CDH11: variants seen among roughly 807,000 people sequenced by gnomAD.
The protein encoded by CDH11 is cadherin 11.
A neutral mutation model predicts 67.8 loss-of-function variants in CDH11; 11 were observed. The ratio of observed to expected loss-of-function variants is 0.16; its 90% CI spans 0.10 to 0.27. CDH11 has a LOEUF of 0.27. Among genes scored for constraint, CDH11 ranks in the 10% least tolerant of loss-of-function variants. The pLI is 1.00. For synonymous variants in CDH11, 419 were observed against 400.0 expected, an observed-to-expected ratio of 1.05 and a Z score of -0.57; for missense variants, 847 against 1,031.2, an observed-to-expected ratio of 0.82 and a Z score of 2.45.
At chr16:65,041,646 T>C (rs1172016827) in intron 2 of CDH11, among the ~76,000 whole-genome samples, 1 of 152,228 alleles carries the variant, frequency 6.6e-6, no homozygotes, top group Admixed American at 6.5e-5. Flanking sequence ...TAAACATGGA[T>C]TATTGGAATG....
At chr16:65,003,185 AAAT>A (rs1460937901) in intron 3 of CDH11, among the ~76,000 whole-genome samples, 3 of 151,548 alleles carry the variant, frequency 2.0e-5, no homozygotes, top group Admixed American at 6.6e-5. Context: ...CATTAGTAAT[AAAT>A]AATACTATTA....
chr16:64,964,773 T>A (rs967524607), intron 11 of CDH11, among the ~76,000 whole-genome samples: 11 of 151,948 alleles, frequency 7.2e-5, no homozygotes, highest in Non-Finnish European at 1.5e-4. Context: ...TGGTCTCGAT[T>A]TCCTGACCTC....
chr16:64,948,165 G>A, intron 12 of CDH11, 66 bp from the exon 13 acceptor site: 2 of 1,548,880 alleles, frequency 1.3e-6, no homozygotes. Context: ...TTCTGCCAGA[G>A]GAACTCTGAT....
intron 2 of CDH11, among the ~76,000 whole-genome samples, chr16:65,023,203 G>A (rs1024035417): frequency 6.6e-6 from 1 of 152,188 alleles, no homozygotes; most frequent in African/African-American, 2.4e-5. Context: ...CAAGCCAAAG[G>A]CCTCAAAGCC....
rs3046001 is a variant in CDH11, at chr16:64,945,301, T to TAAAAAAAAAAAAAAAAAAAAAAGA, written c.*2301_*2302insTCTTTTTTTTTTTTTTTTTTTTTT. The TAAAAAAAAAAAAAAAAAAAAAAGA allele has an allele frequency of 2.7e-6, 1 of 371,902 alleles. No individual in the cohort carries two copies. Among genetic ancestry groups the TAAAAAAAAAAAAAAAAAAAAAAGA allele is most frequent in the Non-Finnish European group, 3.6e-6 (1 of 276,544 alleles). The allele number at this position is 371,902 out of a possible 1,614,324, so 23.0% of individuals were successfully genotyped here. ...AGAGGCTTAACGAAAAAATAAAAGG[T>TAAAAAAAAAAAAAAAAAAAAAAGA]AAAAAAAAAAAAAAAAAAGAAAAAG... On this transcript the variant is annotated 3_prime_UTR_variant, in exon 13 of 13. Coordinates refer to ENST00000268603, the MANE Select transcript of CDH11 (RefSeq NM_001797.4).
At chr16:64,948,579 G>A (rs2071258789) in intron 12 of CDH11, 2 of 1,544,780 alleles carry the variant, frequency 1.3e-6, no homozygotes, top group African/African-American at 1.4e-5. Flanking sequence ...AAGAGTATTG[G>A]TCCTATACTA....
In CDH11 at chr16:64,950,853, G is replaced by A; in HGVS notation, c.1808C>T (p.Ser603Phe). The stretch of plus-strand genomic sequence containing the variant: ...CAGAATGTAGGCCTCTGCGTTGCAG[G>A]AGAGCAGTGCCCCGTTCACGTCGCA... ...CGCDVNGALL[S>F]CNAEAYILNA... The change falls in exon 12 of 13, where the codon TCC becomes TTC. Residue 603 changes from serine to phenylalanine, a missense_variant. Coordinates refer to ENST00000268603, the MANE Select transcript of CDH11 (RefSeq NM_001797.4). The A allele has an allele frequency of 1.2e-6, 2 of 1,614,200 alleles. No individual in the cohort carries two copies. Among genetic ancestry groups the A allele is most frequent in the Non-Finnish European group, 1.7e-6 (2 of 1,180,036 alleles).
intron 1 of CDH11, among the ~76,000 whole-genome samples, chr16:65,106,812 T>C (rs773871621): frequency 2.0e-5 from 3 of 152,094 alleles, no homozygotes; most frequent in East Asian, 1.9e-4. Flanking sequence ...ACACAACTTC[T>C]TTCTGCCTAA....
intron 2 of CDH11, among the ~76,000 whole-genome samples, chr16:65,040,448 C>T (rs2073844998): frequency 1.3e-5 from 2 of 151,824 alleles, no homozygotes; most frequent in Admixed American, 6.6e-5. Flanking sequence ...AGCAAACTAT[C>T]GCAAGGACAA....
chr16:65,055,507 G>T (rs1310881866), intron 1 of CDH11, among the ~76,000 whole-genome samples: 1 of 152,052 alleles, frequency 6.6e-6, no homozygotes, highest in Non-Finnish European at 1.5e-5. Flanking sequence ...TCCTACACCT[G>T]TCCCACCACT....
chr16:64,948,537 G>A lies in CDH11; in HGVS notation c.1895-438C>T, dbSNP rs778855662. The A allele has an allele frequency of 3.2e-6, 4 of 1,241,370 alleles. No individual in the cohort carries two copies. The African/African-American group carries it at 4.4e-5, about 14-fold the overall frequency. The allele number at this position is 1,241,370 out of a possible 1,614,324, so 76.9% of individuals were successfully genotyped here. A position where few individuals can be genotyped will look rare whatever the true frequency, so the allele number is the denominator to read the frequency against. ...CCCTTAGGGCCTACCATCTTATAGG[G>A]GGTGATGGCTAGCTTCTGCCAATGT... is the stretch of plus-strand genomic sequence containing the variant. On this transcript the variant is annotated intron_variant, in intron 12 of 12. Transcript: ENST00000268603.
intron 4 of CDH11, among the ~76,000 whole-genome samples, chr16:64,996,553 A>G (rs2142505575): frequency 6.6e-6 from 1 of 152,212 alleles, no homozygotes; most frequent in African/African-American, 2.4e-5. Flanking sequence ...TATAGACCCA[A>G]AGGAAAATAA....
In CDH11 at chr16:65,121,173, G is replaced by C. The variant is rs1240658211; in HGVS notation, c.-298+707C>G. 6.6e-6 allele frequency among the ~76,000 whole-genome samples: 1 copy of C among 152,206 alleles called. No individual in the cohort carries two copies. The highest frequency in any genetic ancestry group is 1.9e-4 in the East Asian group (1 of 5,180). On this transcript the variant is annotated intron_variant, in intron 1 of 12. Coordinates refer to ENST00000268603, the MANE Select transcript of CDH11 (RefSeq NM_001797.4). The surrounding 1 kb of genome is among the most constrained non-coding windows in gnomAD (Gnocchi z 4.1). ...CTGGGCCGCTCATGGACCTACTCCT[G>C]CGCTGGTGGGAGCTTACAAACGGGC...
At chr16:64,986,393 A>G (rs2072488033) in intron 7 of CDH11, 1 of 152,042 alleles carries the variant, frequency 6.6e-6, no homozygotes, top group African/African-American at 2.4e-5. Context: ...GCGACGTGTG[A>G]GTTCCATGGG....
At chr16:65,103,388 T>A (rs1204213528) in intron 1 of CDH11, among the ~76,000 whole-genome samples, 1 of 152,210 alleles carries the variant, frequency 6.6e-6, no homozygotes, top group Non-Finnish European at 1.5e-5. Context: ...TATTTTTTCA[T>A]CATTGTTGTA....
At chr16:65,066,746 A>G (rs755488102) in intron 1 of CDH11, among the ~76,000 whole-genome samples, 23 of 152,204 alleles carry the variant, frequency 1.5e-4, no homozygotes, top group Non-Finnish European at 2.8e-4. Context: ...CATTTTCCCA[A>G]CTGTCTGCCT....
In CDH11 at chr16:64,946,175, T is replaced by C; in HGVS notation, c.*1428A>G. ...TTTTTAAATGAATCGCCCATTCTCA[T>C]TAAAACATAAAATGCCACATCATTT... On this transcript the variant is annotated 3_prime_UTR_variant, in exon 13 of 13. Coordinates refer to ENST00000268603, the MANE Select transcript of CDH11 (RefSeq NM_001797.4). 9.5e-7 allele frequency: 1 copy of C among 1,052,772 alleles called. No homozygotes were observed. Among genetic ancestry groups the C allele is most frequent in the Non-Finnish European group, 1.1e-6 (1 of 871,462 alleles). The allele number at this position is 1,052,772 out of a possible 1,614,324, so 65.2% of individuals were successfully genotyped here. A position where few individuals can be genotyped will look rare whatever the true frequency, so the allele number is the denominator to read the frequency against.
chr16:65,110,631 T>TGTGTGTGTGTGTGA, intron 1 of CDH11, among the ~76,000 whole-genome samples: 1 of 11,924 alleles, frequency 8.4e-5, no homozygotes, highest in Non-Finnish European at 2.7e-4. Flanking sequence ...ATGATGTGTG[T>TGTGTGTGTGTGTGA]GTGTGTGTGT....
chr16:65,085,244 C>T lies in CDH11; in HGVS notation c.-297-31316G>A, dbSNP rs149802499. On this transcript the variant is annotated intron_variant, in intron 1 of 12. Transcript: ENST00000268603. Reference sequence around the variant, plus strand: ...TTATTTCTAACCATTCTTGCCCCTGCTGCTTATTGCTAGAGATTACCAGCC... The same window carrying T: ...TTATTTCTAACCATTCTTGCCCCTGTTGCTTATTGCTAGAGATTACCAGCC... Among the ~76,000 whole-genome samples, 21 of 152,312 alleles carry T rather than the reference C, an allele frequency of 1.4e-4. 1 individual carries two copies. The Middle Eastern group carries it at 0.017, about 123-fold the overall frequency.
Sources: allele counts gnomAD v4.1 joint callset (sites outside exome capture counted in the v4.1 genomes callset), GRCh38; gene constraint gnomAD v4.1.1; non-coding constraint Gnocchi (gnomAD v3.1); transcripts MANE v1.5; gene names NCBI Gene and HGNC (gene_info 2026-07-23, HGNC 2026-07-21).